The following LRRK1 variants were observed in gnomAD, a reference collection of about 807,000 sequenced individuals.
The protein encoded by LRRK1 is leucine rich repeat kinase 1, also known as leucine-rich repeat serine/threonine-protein kinase 1.
In LRRK1, 113 loss-of-function variants were observed where a neutral mutation model predicts 209.1. The ratio of observed to expected loss-of-function variants is 0.54; its 90% CI spans 0.46 to 0.63. LRRK1 has a LOEUF of 0.63. LRRK1 is among the 30% of genes least tolerant of loss of function. The pLI is 0.00. For synonymous variants in LRRK1, 1,144 were observed against 1,099.7 expected, an observed-to-expected ratio of 1.04 and a Z score of -0.80; for missense variants, 2,284 against 2,632.2, an observed-to-expected ratio of 0.87 and a Z score of 2.89.
At chr15:101,012,883 G>A (rs2033334226) in intron 10 of LRRK1, among the ~76,000 whole-genome samples, 1 of 151,756 alleles carries the variant, frequency 6.6e-6, no homozygotes, top group African/African-American at 2.4e-5. Flanking sequence ...GAAGAAAGGA[G>A]CCACGCGGGG....
chr15:101,054,121 C>T (rs1416174430), intron 26 of LRRK1, among the ~76,000 whole-genome samples: 3 of 152,138 alleles, frequency 2.0e-5, no homozygotes, highest in African/African-American at 4.8e-5. Context: ...TACAAGCACA[C>T]GCCACCACAC....
Position 100,957,226 on chromosome 15 carries a change from G to T in LRRK1, c.98-16578G>T, listed in dbSNP as rs185299814. Among the ~76,000 whole-genome samples the T allele has an allele frequency of 3.4e-3, 519 of 152,176 alleles. 2 individuals carry two copies. Among genetic ancestry groups the T allele is most frequent in the Middle Eastern group, 6.8e-3 (2 of 294 alleles). On this transcript the variant is annotated intron_variant, in intron 2 of 33. Transcript: ENST00000388948. ...TATGGCCCAACATATGACATTTCTTGGGGAATGTCCCACGTGTGCTTGAGA... is the reference window on the plus strand; with the variant it reads ...TATGGCCCAACATATGACATTTCTTTGGGAATGTCCCACGTGTGCTTGAGA...
chr15:101,032,443 T>C (rs1025155489), intron 20 of LRRK1, among the ~76,000 whole-genome samples: 1 of 122,368 alleles, frequency 8.2e-6, no homozygotes, highest in Non-Finnish European at 1.7e-5. Context: ...CCCTACCCGA[T>C]ACAAGTTCTT....
intron 23 of LRRK1, 93 bp from the exon 24 acceptor site, chr15:101,051,618 G>C (rs939385966): frequency 1.3e-6 from 2 of 1,493,002 alleles, no homozygotes; most frequent in Admixed American, 3.9e-5. Context: ...CCCCTGCTGC[G>C]AAGGCCTCAG....
intron 29 of LRRK1, among the ~76,000 whole-genome samples, 191 bp downstream of exon 29, chr15:101,058,332 A>G (rs1435631132): frequency 1.3e-5 from 2 of 152,092 alleles, no homozygotes; most frequent in Non-Finnish European, 2.9e-5. Flanking sequence ...ACGTGCATGT[A>G]TGGTTTTGTG....
chr15:100,973,883 C>T lies in LRRK1; in HGVS notation c.177C>T (p.Arg59=), dbSNP rs1280427111. ...AARSRRTEGI[R]AAYRRGDRGG... is the part of the protein sequence containing the mutation. ...GGTCCCGCAGGACGGAAGGCATCCG[C>T]GCCGCGTACAGGCGGGGAGACCGCG... Residue 59 remains arginine, a synonymous_variant, in exon 3 of 34, where the codon CGC becomes CGT. Coordinates refer to ENST00000388948, the MANE Select transcript of LRRK1 (RefSeq NM_024652.6). 3 of 1,278,790 alleles carry T rather than the reference C, an allele frequency of 2.3e-6. No homozygotes were observed. Among genetic ancestry groups the T allele is most frequent in the Non-Finnish European group, 2.0e-6 (2 of 1,007,592 alleles). 79.2% of individuals were successfully genotyped at this position (1,278,790 alleles called of 1,614,324 possible).
At chr15:101,051,120 T>C (rs1459273762) in intron 23 of LRRK1, among the ~76,000 whole-genome samples, 1 of 152,174 alleles carries the variant, frequency 6.6e-6, no homozygotes, top group African/African-American at 2.4e-5. Flanking sequence ...GTTCTAGGCA[T>C]CCACCTCCTA....
intron 27 of LRRK1, among the ~76,000 whole-genome samples, chr15:101,055,506 A>C (rs1047560519): frequency 1.3e-5 from 2 of 152,188 alleles, no homozygotes; most frequent in East Asian, 3.9e-4. Flanking sequence ...TGAAGAGTCC[A>C]AGAGAGAAAC....
At chr15:101,052,497 G>A (rs548820283) in intron 24 of LRRK1, among the ~76,000 whole-genome samples, 9 of 152,120 alleles carry the variant, frequency 5.9e-5, no homozygotes, top group East Asian at 3.9e-4. Flanking sequence ...TAGCCCTAGC[G>A]CTGAGCCTTG....
Position 101,053,425 on chromosome 15 carries a change from C to A in LRRK1, c.4054+5C>A. ...TGCTGTCCGAGAACGCCAGAGGTAC[C>A]GCGGCGCGCCGCCCCACCCGGCCCC... On this transcript the variant is annotated splice_donor_5th_base_variant and intron_variant, in intron 26 of 33. Coordinates refer to ENST00000388948, the MANE Select transcript of LRRK1 (RefSeq NM_024652.6). 6.4e-7 allele frequency: 1 copy of A among 1,568,640 alleles called. No homozygotes were observed. Among genetic ancestry groups the A allele is most frequent in the Non-Finnish European group, 8.6e-7 (1 of 1,163,514 alleles).
intron 10 of LRRK1, among the ~76,000 whole-genome samples, chr15:101,013,364 G>A (rs2033372440): frequency 6.6e-6 from 1 of 152,214 alleles, no homozygotes. Flanking sequence ...CGCCCTGGTT[G>A]TGGGCGGGAT....
chr15:101,027,737 G>A lies in LRRK1; in HGVS notation c.2626G>A (p.Glu876Lys), dbSNP rs1169332520. Residue 876 changes from glutamate to lysine, a missense_variant, in exon 19 of 34, where the codon GAG becomes AAG. By Grantham distance (56) the Glu-to-Lys change is moderately conservative. Coordinates refer to ENST00000388948, the MANE Select transcript of LRRK1 (RefSeq NM_024652.6). This position sits in a 1 kb window ranked among gnomAD's most constrained non-coding sequence, Gnocchi z 5.1. ...GCAGTACCTGACGGACAGGCAGCTG[G>A]AGCAGCTGGTGGAGCAGACGCCCGA... is the stretch of plus-strand genomic sequence containing the variant. ...DVQYLTDRQL[E>K]QLVEQTPDND... The A allele has an allele frequency of 1.9e-6, 3 of 1,609,518 alleles. No individual in the cohort carries two copies. In the East Asian group the frequency reaches 6.7e-5, roughly 36 times the overall value.
At chr15:100,960,421 G>A (rs1157323041) in intron 2 of LRRK1, among the ~76,000 whole-genome samples, 1 of 152,086 alleles carries the variant, frequency 6.6e-6, no homozygotes, top group African/African-American at 2.4e-5. Flanking sequence ...CAAAATCGGA[G>A]TAGGACTGAC....
At chr15:101,043,653 T>C (rs2034890188) in intron 20 of LRRK1, 2 of 152,184 alleles carry the variant, frequency 1.3e-5, no homozygotes, top group African/African-American at 4.8e-5. Flanking sequence ...ACCATCAGTG[T>C]GATCACGGCC....
rs78739687 is a variant in LRRK1 at position 101,022,462 on chromosome 15, G to C, written c.1932G>C (p.Val644=). 2.8e-3 allele frequency: 4,574 copies of C among 1,614,204 alleles called. 9 individuals carry two copies. Among genetic ancestry groups the C allele is most frequent in the Non-Finnish European group, 3.5e-3 (4,105 of 1,180,036 alleles). Reference sequence around the variant, plus strand: ...GCAAGCTGATGAAGATGATCATCGTGGGTCCCCCGCGCCAGGGCAAGTCCA... The same window carrying C: ...GCAAGCTGATGAAGATGATCATCGTCGGTCCCCCGCGCCAGGGCAAGTCCA... ...EKCKLMKMII[V]GPPRQGKSTL... The change falls in exon 15 of 34, where the codon GTG becomes GTC. Residue 644 remains valine (V), a synonymous_variant. Transcript: ENST00000388948. This position sits in a 1 kb window ranked among gnomAD's most constrained non-coding sequence, Gnocchi z 4.0.
chr15:100,977,963 G>C (rs1274677742), intron 3 of LRRK1, among the ~76,000 whole-genome samples: 1 of 152,168 alleles, frequency 6.6e-6, no homozygotes, highest in Admixed American at 6.5e-5. Flanking sequence ...AAATGCTTCT[G>C]TGAGCAATTA....
chr15:101,000,763 A>G (rs2032648519), intron 6 of LRRK1, among the ~76,000 whole-genome samples: 1 of 152,188 alleles, frequency 6.6e-6, no homozygotes, highest in South Asian at 2.1e-4. Context: ...ATGTTGGATG[A>G]TGGCCCCCAC....
chr15:100,973,269 G>A (rs980806532), intron 2 of LRRK1, among the ~76,000 whole-genome samples: 2 of 152,216 alleles, frequency 1.3e-5, no homozygotes, highest in African/African-American at 4.8e-5. Flanking sequence ...GCCCGGTGTC[G>A]TCCCCCATCG....
intron 2 of LRRK1, among the ~76,000 whole-genome samples, chr15:100,947,150 G>C (rs1238791041): frequency 6.6e-6 from 1 of 151,818 alleles, no homozygotes; most frequent in Admixed American, 6.6e-5. Context: ...GTAGAGGCGG[G>C]GTTTCACCAT....
Sources: allele counts gnomAD v4.1 joint callset (sites outside exome capture counted in the v4.1 genomes callset), GRCh38; gene constraint gnomAD v4.1.1; non-coding constraint Gnocchi (gnomAD v3.1); transcripts MANE v1.5; gene names NCBI Gene and HGNC (gene_info 2026-07-23, HGNC 2026-07-21).